The following PLXNA4 variants were observed in gnomAD, a reference collection of about 807,000 sequenced individuals.
PLXNA4 encodes the protein plexin A4, also known as plexin-A4.
In PLXNA4, 44 loss-of-function variants were observed where a neutral mutation model predicts 191.8. The ratio of observed to expected loss-of-function variants is 0.23; its 90% CI spans 0.18 to 0.29. PLXNA4 has a LOEUF of 0.29. Ranked by LOEUF, PLXNA4 falls within the 10% of genes least tolerant of loss-of-function variation. The probability of loss-of-function intolerance (pLI) is 1.00; values close to 1 mark genes in which losing one functional copy is unlikely to be tolerated. For synonymous variants in PLXNA4, 1,082 were observed against 1,009.5 expected, an observed-to-expected ratio of 1.07 and a Z score of -1.36; for missense variants, 1,800 against 2,488.8, an observed-to-expected ratio of 0.72 and a Z score of 5.89.
At chr7:132,186,778 A>G (rs985215324) in intron 15 of PLXNA4, among the ~76,000 whole-genome samples, 1 of 152,192 alleles carries the variant, frequency 6.6e-6, no homozygotes, top group Admixed American at 6.5e-5. Flanking sequence ...AATTTAGTTT[A>G]TAGTTTAATT....
intron 2 of PLXNA4, among the ~76,000 whole-genome samples, chr7:132,593,440 A>G (rs1163404764): frequency 2.6e-5 from 4 of 152,236 alleles, no homozygotes; most frequent in Non-Finnish European, 5.9e-5. Context: ...GGGTGTGTCC[A>G]TCATGGAAAT....
At chr7:132,572,744 A>G (rs1802036735) in intron 1 of PLXNA4, among the ~76,000 whole-genome samples, 1 of 152,244 alleles carries the variant, frequency 6.6e-6, no homozygotes, top group Middle Eastern at 3.4e-3. Context: ...AAGAAAGAAA[A>G]AGTCTGTGCA....
intron 13 of PLXNA4, among the ~76,000 whole-genome samples, chr7:132,196,067 C>A (rs1455678696): frequency 1.3e-5 from 2 of 152,196 alleles, no homozygotes; most frequent in South Asian, 2.1e-4. Flanking sequence ...CATACTGAAA[C>A]CCCCACTAGT....
intron 3 of PLXNA4, among the ~76,000 whole-genome samples, chr7:132,410,977 T>C (rs1428436984): frequency 6.6e-6 from 1 of 152,218 alleles, no homozygotes; most frequent in African/African-American, 2.4e-5. Flanking sequence ...GAAAAAGTTC[T>C]GGTGCTTTGG....
rs541345823 is a variant in PLXNA4, at chr7:132,404,076, C to T, written c.1371+85216G>A. Among the ~76,000 whole-genome samples the T allele has an allele frequency of 2.0e-5, 3 of 152,164 alleles. No individual in the cohort carries two copies. In the East Asian group the frequency reaches 5.8e-4, roughly 29 times the overall value. ...AGGAGACAAGGCTTTCTTTCTTTCACTTCTTTTGTTTCCACGGGTCCCCAA... is the reference window on the plus strand; with the variant it reads ...AGGAGACAAGGCTTTCTTTCTTTCATTTCTTTTGTTTCCACGGGTCCCCAA... On this transcript the variant is annotated intron_variant, in intron 3 of 31. Coordinates refer to ENST00000321063, the MANE Select transcript of PLXNA4 (RefSeq NM_020911.2).
intron 25 of PLXNA4, among the ~76,000 whole-genome samples, chr7:132,156,135 TACACACACACACACACACACACAC>T (rs57153762): frequency 1.5e-5 from 2 of 133,006 alleles, no homozygotes; most frequent in Non-Finnish European, 3.2e-5. Context: ...TTTCTGGACA[TACACACACACACACACACACACAC>T]ACACACACAC....
At chr7:132,172,271 G>C (rs1796309373) in intron 21 of PLXNA4, among the ~76,000 whole-genome samples, 1 of 152,208 alleles carries the variant, frequency 6.6e-6, no homozygotes, top group Non-Finnish European at 1.5e-5. Flanking sequence ...TAGAGTTTAG[G>C]AGCCAATGAT....
At chr7:132,420,351 C>T (rs1794806987) in intron 3 of PLXNA4, among the ~76,000 whole-genome samples, 1 of 152,146 alleles carries the variant, frequency 6.6e-6, no homozygotes, top group African/African-American at 2.4e-5. Context: ...GCTGCTGGTC[C>T]AGGGGACAGC....
intron 10 of PLXNA4, among the ~76,000 whole-genome samples, chr7:132,208,127 T>C (rs926653889): frequency 1.3e-5 from 2 of 152,192 alleles, no homozygotes; most frequent in African/African-American, 4.8e-5. Flanking sequence ...TGATGGAAAT[T>C]GCTTGATGGT....
rs149109933 is a variant in PLXNA4, at chr7:132,560,060, G to A, written c.-87+16362C>T. Among the ~76,000 whole-genome samples, 6 of 152,330 alleles carry A rather than the reference G, an allele frequency of 3.9e-5. No individual in the cohort carries two copies. In the East Asian group the frequency reaches 1.2e-3, roughly 29 times the overall value. The stretch of plus-strand genomic sequence containing the variant: ...TCGCCAGGTCCTACCTGCAGGCTTT[G>A]ATTGTGCAGACTTTGTCCTACCTCC... On this transcript the variant is annotated intron_variant, in intron 1 of 31. Coordinates refer to ENST00000321063, the MANE Select transcript of PLXNA4 (RefSeq NM_020911.2).
chr7:132,208,658 A>G (rs933139670), intron 10 of PLXNA4, among the ~76,000 whole-genome samples: 1 of 152,200 alleles, frequency 6.6e-6, no homozygotes, highest in African/African-American at 2.4e-5. Flanking sequence ...CTGGGACATC[A>G]GGCTTCCAGA....
chr7:132,561,898 T>C (rs1229089244), intron 1 of PLXNA4, among the ~76,000 whole-genome samples: 41 of 78,234 alleles, frequency 5.2e-4, no homozygotes, highest in Admixed American at 1.3e-3. Flanking sequence ...GCCTTCTCCT[T>C]CTCCTTCTCC....
At chr7:132,643,834 T>G (rs1321990191) in intron 2 of PLXNA4, among the ~76,000 whole-genome samples, 1 of 151,976 alleles carries the variant, frequency 6.6e-6, no homozygotes, top group Non-Finnish European at 1.5e-5. Flanking sequence ...TGCTTATAGT[T>G]CCTGATACTG....
At chr7:132,227,663 A>G in intron 6 of PLXNA4, 59 bp from the exon 7 acceptor site, 2 of 1,603,344 alleles carry the variant, frequency 1.2e-6, no homozygotes, top group Admixed American at 3.4e-5. Flanking sequence ...AAGGACAGGT[A>G]TGGAATAAAA....
chr7:132,287,736 G>A (rs925329258), intron 4 of PLXNA4, among the ~76,000 whole-genome samples: 3 of 152,150 alleles, frequency 2.0e-5, no homozygotes, highest in Admixed American at 1.3e-4. Context: ...GGGGTGGTGG[G>A]CTGCTACCCT....
intron 1 of PLXNA4, among the ~76,000 whole-genome samples, chr7:132,516,248 A>ATTTG (rs1397821648): frequency 6.6e-6 from 1 of 151,196 alleles, no homozygotes; most frequent in African/African-American, 2.4e-5. Flanking sequence ...TTATTTATTT[A>ATTTG]TTTATTTATT....
At chr7:132,383,761 A>C (rs763483008) in intron 3 of PLXNA4, 3 of 984,856 alleles carry the variant, frequency 3.0e-6, no homozygotes, top group Non-Finnish European at 3.6e-6. Flanking sequence ...ATTAGAATTG[A>C]TTCTTTAAAA....
At chr7:132,432,875 C>T (rs934224455) in intron 3 of PLXNA4, among the ~76,000 whole-genome samples, 5 of 152,182 alleles carry the variant, frequency 3.3e-5, no homozygotes, top group African/African-American at 7.2e-5. Flanking sequence ...CTAGGCCTTT[C>T]GAGTCCCTTT....
chr7:132,455,484 T>C (rs1796280413), intron 3 of PLXNA4, among the ~76,000 whole-genome samples: 1 of 152,002 alleles, frequency 6.6e-6, no homozygotes, highest in African/African-American at 2.4e-5. Context: ...AATTGACACT[T>C]GGAGACATGC....
Sources: gnomAD v4.1 joint callset for allele counts (sites outside exome capture counted in the v4.1 genomes callset) on GRCh38, gnomAD v4.1.1 for gene constraint, MANE v1.5 for transcripts, NCBI Gene and HGNC (gene_info 2026-07-23, HGNC 2026-07-21) for gene names.